Variants in CTNND2 observed in about 807,000 individuals in gnomAD.
CTNND2 encodes catenin delta-2.
Under a neutral mutation model 144.4 loss-of-function variants are expected in CTNND2, and 22 were observed. The ratio of observed to expected loss-of-function variants is 0.15; its 90% confidence interval spans 0.11 to 0.22. CTNND2 has a LOEUF of 0.22. Ranked by LOEUF, CTNND2 falls within the 10% of genes least tolerant of loss-of-function variation. CTNND2 has a pLI of 1.00. For synonymous variants in CTNND2, 751 were observed against 695.6 expected, an observed-to-expected ratio of 1.08 and a Z score of -1.25; for missense variants, 1,353 against 1,618.8, an observed-to-expected ratio of 0.84 and a Z score of 2.82.
chr5:11,686,207 GAA>G (rs112168894), intron 2 of CTNND2, among the ~76,000 whole-genome samples: 1 of 140,484 alleles, frequency 7.1e-6, no homozygotes, highest in Admixed American at 7.2e-5. Context: ...CCATGTCTCA[GAA>G]AAAAAAAAAG....
intron 2 of CTNND2, among the ~76,000 whole-genome samples, chr5:11,650,777 G>C (rs1224488756): frequency 6.6e-6 from 1 of 152,180 alleles, no homozygotes; most frequent in Non-Finnish European, 1.5e-5. Flanking sequence ...GATGATTTAA[G>C]GTATCTGGTG....
intron 2 of CTNND2, among the ~76,000 whole-genome samples, chr5:11,609,457 A>G (rs1581602200): frequency 6.6e-6 from 1 of 152,142 alleles, no homozygotes; most frequent in East Asian, 1.9e-4. Context: ...CTCTCAATGG[A>G]CCCTCTGTCA....
rs28038 is a variant in CTNND2 at position 11,236,802 on chromosome 5, C to T, written c.1650G>A (p.Pro550=). The change falls in exon 10 of 22, where the codon CCG becomes CCA. Residue 550 remains proline, a synonymous_variant. Transcript: ENST00000304623. ...KDPREFGWRD[P]ELPEVIQMLQ... is the part of the protein sequence containing the mutation. ...ACATCTGAATCACTTCCGGCAGTTC[C>T]GGGTCTCTCCATCCAAATTCTCTGA... The T allele has an allele frequency of 1.7e-3, 2,787 of 1,614,042 alleles. 44 individuals carry two copies. The African/African-American group carries it at 0.033, about 19-fold the overall frequency.
intron 9 of CTNND2, among the ~76,000 whole-genome samples, chr5:11,284,989 C>T (rs2150004100): frequency 6.6e-6 from 1 of 152,314 alleles, no homozygotes; most frequent in East Asian, 1.9e-4. Flanking sequence ...AGTCAGGTTC[C>T]TATAAGCCTT....
intron 11 of CTNND2, among the ~76,000 whole-genome samples, chr5:11,181,638 C>T (rs1378987068): frequency 6.6e-6 from 1 of 151,758 alleles, no homozygotes; most frequent in Non-Finnish European, 1.5e-5. Context: ...GCCAAAAACC[C>T]AGGAGGCTCC....
In CTNND2 at chr5:11,670,994, T is replaced by C. The variant is rs369750415; in HGVS notation, c.174+61142A>G. ...TGGTGGTGACAAAATCTCTCAGCAT[T>C]TGCTTGTCTGTAAAGGATTTTATTT... is the stretch of plus-strand genomic sequence containing the variant. On this transcript the variant is annotated intron_variant, in intron 2 of 21. Transcript: ENST00000304623. Among the ~76,000 whole-genome samples the C allele has an allele frequency of 4.6e-5, 7 of 152,326 alleles. No homozygotes were observed. In the East Asian group the frequency reaches 5.8e-4, roughly 13 times the overall value.
chr5:11,326,170 A>T (rs1225664606), intron 9 of CTNND2, among the ~76,000 whole-genome samples: 6 of 152,154 alleles, frequency 3.9e-5, no homozygotes, highest in Non-Finnish European at 8.8e-5. Context: ...TGGTTTCAAC[A>T]GGATGCTCTG....
intron 14 of CTNND2, among the ~76,000 whole-genome samples, chr5:11,101,701 A>G (rs1751895593): frequency 6.6e-6 from 1 of 152,230 alleles, no homozygotes; most frequent in Admixed American, 6.5e-5. Flanking sequence ...TTGAGAACCT[A>G]CTACCAAAAA....
At chr5:11,125,306 C>A (rs1010990828) in intron 12 of CTNND2, among the ~76,000 whole-genome samples, 2 of 152,176 alleles carry the variant, frequency 1.3e-5, no homozygotes, top group Non-Finnish European at 2.9e-5. Flanking sequence ...CATTCTTCCA[C>A]GAGGGCTCAT....
At chr5:11,191,639 A>T (rs1736251254) in intron 11 of CTNND2, among the ~76,000 whole-genome samples, 1 of 152,186 alleles carries the variant, frequency 6.6e-6, no homozygotes, top group Non-Finnish European at 1.5e-5. Context: ...AGAGGGCATC[A>T]GGGCTGCTGC....
rs1310982838 is a variant in CTNND2, at chr5:11,309,963, G to T, written c.1628+36409C>A. ...TTCCCCTCTGCCTTCTGCCATTATT[G>T]TAAGTTTCCTGGGGCCTCCCCAGCC... On this transcript the variant is annotated intron_variant, in intron 9 of 21. Coordinates refer to ENST00000304623, the MANE Select transcript of CTNND2 (RefSeq NM_001332.4). 3.3e-5 allele frequency among the ~76,000 whole-genome samples: 5 copies of T among 151,806 alleles called. No individual in the cohort carries two copies. In the East Asian group the frequency reaches 9.7e-4, roughly 29 times the overall value.
At chr5:11,205,415 G>C (rs1737940597) in intron 10 of CTNND2, among the ~76,000 whole-genome samples, 1 of 152,008 alleles carries the variant, frequency 6.6e-6, no homozygotes, top group South Asian at 2.1e-4. Context: ...AATGGTACTG[G>C]CTTTGAAAAA....
chr5:11,849,436 A>T lies in CTNND2; in HGVS notation c.37+54381T>A, dbSNP rs140326252. Among the ~76,000 whole-genome samples, 616 of 152,280 alleles carry T rather than the reference A, an allele frequency of 4.0e-3. 6 individuals are homozygous for T. Among genetic ancestry groups the T allele is most frequent in the African/African-American group, 0.013 (548 of 41,566 alleles). On this transcript the variant is annotated intron_variant, in intron 1 of 21. Coordinates refer to ENST00000304623, the MANE Select transcript of CTNND2 (RefSeq NM_001332.4). The stretch of plus-strand genomic sequence containing the variant: ...GAACGTGGGGACGGAGCAAACCTCT[A>T]GCATTTTTACTTATGAGAGTCTGTA...
At chr5:11,589,110 C>T in intron 2 of CTNND2, 1 of 826,380 alleles carries the variant, frequency 1.2e-6, no homozygotes. Flanking sequence ...CAGCCAGGCA[C>T]AAAGGTCTCC....
intron 1 of CTNND2, among the ~76,000 whole-genome samples, chr5:11,775,135 C>A (rs1334182613): frequency 6.6e-6 from 1 of 152,136 alleles, no homozygotes; most frequent in East Asian, 1.9e-4. Context: ...GTTTTTACCA[C>A]ATTACCTTTT....
intron 15 of CTNND2, among the ~76,000 whole-genome samples, chr5:11,084,388 C>T (rs975643309): frequency 1.3e-5 from 2 of 152,192 alleles, no homozygotes; most frequent in Non-Finnish European, 1.5e-5. Flanking sequence ...TCCTTGTGCC[C>T]TGCTGAGTCT....
At chr5:11,729,532 C>G (rs1787217317) in intron 2 of CTNND2, among the ~76,000 whole-genome samples, 1 of 151,930 alleles carries the variant, frequency 6.6e-6, no homozygotes, top group Non-Finnish European at 1.5e-5. Context: ...ACATATAGCC[C>G]CAACTCATTT....
In CTNND2 at chr5:11,450,524, G is replaced by A. The variant is rs370170464; in HGVS notation, c.288-38455C>T. 3.9e-5 allele frequency among the ~76,000 whole-genome samples: 6 copies of A among 152,294 alleles called. No individual in the cohort carries two copies. The South Asian group carries it at 6.2e-4, about 16-fold the overall frequency. On this transcript the variant is annotated intron_variant, in intron 3 of 21. Coordinates refer to ENST00000304623, the MANE Select transcript of CTNND2 (RefSeq NM_001332.4). ...CAGCTTTGTCCCACTAATACTCAGT[G>A]CACAGCACGCTTCTTTGCAGGTCCT...
chr5:11,357,570 T>C lies in CTNND2; in HGVS notation c.1372+7126A>G, dbSNP rs111921600. On this transcript the variant is annotated intron_variant, in intron 8 of 21. Transcript: ENST00000304623. ...AACAGGGGAGAGAATGGCCAATGGG[T>C]ACAAAGTTACGATGAGATAGGAAAA... 2.6e-3 allele frequency among the ~76,000 whole-genome samples: 391 copies of C among 152,140 alleles called. 1 individual carries two copies. Among genetic ancestry groups the C allele is most frequent in the African/African-American group, 8.2e-3 (341 of 41,540 alleles).
Sources: gnomAD v4.1 joint callset for allele counts (sites outside exome capture counted in the v4.1 genomes callset) on GRCh38, gnomAD v4.1.1 for gene constraint, MANE v1.5 for transcripts, NCBI Gene and HGNC (gene_info 2026-07-23, HGNC 2026-07-21) for gene names.